The following SORCS1 variants were observed in gnomAD, a reference collection of about 807,000 sequenced individuals.
SORCS1 encodes the protein sortilin related VPS10 domain containing receptor 1, also known as VPS10 domain-containing receptor SorCS1.
Under a neutral mutation model 146.1 loss-of-function variants are expected in SORCS1, and 60 were observed. The observed-to-expected ratio is 0.41, with a 90% CI of 0.33 to 0.51. The LOEUF (loss-of-function observed/expected upper bound fraction) is 0.51. SORCS1 is among the 20% of genes least tolerant of loss of function. The pLI, the probability that SORCS1 is intolerant of heterozygous loss-of-function variation, is 0.21. For synonymous variants in SORCS1, 637 were observed against 584.0 expected, an observed-to-expected ratio of 1.09 and a Z score of -1.31; for missense variants, 1,352 against 1,487.6, an observed-to-expected ratio of 0.91 and a Z score of 1.50.
intron 1 of SORCS1, among the ~76,000 whole-genome samples, chr10:107,131,143 T>A (rs543995730): frequency 2.0e-5 from 3 of 152,336 alleles, no homozygotes; most frequent in African/African-American, 7.2e-5. Context: ...GTACCTGTCC[T>A]TAGTTCTGAG....
chr10:106,956,070 C>T (rs183284434), intron 2 of SORCS1, among the ~76,000 whole-genome samples: 20 of 151,814 alleles, frequency 1.3e-4, no homozygotes, highest in African/African-American at 4.1e-4. Flanking sequence ...GCAGAGGTTG[C>T]GCTGAGCCGA....
intron 2 of SORCS1, among the ~76,000 whole-genome samples, chr10:106,830,040 A>G (rs2137012280): frequency 6.6e-6 from 1 of 152,362 alleles, no homozygotes; most frequent in Non-Finnish European, 1.5e-5. Flanking sequence ...TTGGCCCAGT[A>G]GAAAAGCAGG....
the SORCS1 span, among the ~76,000 whole-genome samples, chr10:107,178,405 G>A: frequency 6.6e-6 from 1 of 151,594 alleles, no homozygotes; most frequent in Non-Finnish European, 1.5e-5. Context: ...TCTGTGCCTG[G>A]CTTATTTCAC....
At chr10:106,832,852 TAGAG>T (rs1564711492) in intron 2 of SORCS1, among the ~76,000 whole-genome samples, 1 of 152,136 alleles carries the variant, frequency 6.6e-6, no homozygotes, top group East Asian at 1.9e-4. Context: ...AACTAGTCTA[TAGAG>T]AGTGTGAAGA....
intron 1 of SORCS1, among the ~76,000 whole-genome samples, chr10:107,117,235 A>C (rs963618105): frequency 6.6e-6 from 1 of 152,226 alleles, no homozygotes; most frequent in African/African-American, 2.4e-5. Flanking sequence ...GCCAGTTAGA[A>C]CTGAAAAGAA....
chr10:106,807,511 G>A (rs1021792911), intron 3 of SORCS1, among the ~76,000 whole-genome samples: 4 of 152,114 alleles, frequency 2.6e-5, no homozygotes, highest in Non-Finnish European at 5.9e-5. Flanking sequence ...ATTTCTCTTG[G>A]TTGGTGATTT....
At chr10:106,858,187 T>C (rs1949865817) in intron 2 of SORCS1, among the ~76,000 whole-genome samples, 1 of 152,240 alleles carries the variant, frequency 6.6e-6, no homozygotes, top group Admixed American at 6.5e-5. Flanking sequence ...TTTTATTCTT[T>C]AAATATGTTA....
At chr10:106,995,122 C>T (rs1205262657) in intron 1 of SORCS1, among the ~76,000 whole-genome samples, 1 of 151,734 alleles carries the variant, frequency 6.6e-6, no homozygotes, top group Non-Finnish European at 1.5e-5. Context: ...ACCATCCTGG[C>T]TAACATGGTG....
intron 2 of SORCS1, among the ~76,000 whole-genome samples, chr10:106,947,407 AGATCT>A (rs149626071): frequency 0.023 from 3,468 of 152,342 alleles, 95 homozygotes; most frequent in South Asian, 0.11. Flanking sequence ...AATGAACTAA[AGATCT>A]ATCGGAAAGG....
intron 1 of SORCS1, among the ~76,000 whole-genome samples, chr10:107,090,807 G>C (rs982367955): frequency 6.6e-6 from 1 of 152,132 alleles, no homozygotes; most frequent in African/African-American, 2.4e-5. Context: ...TTCTGAGCTG[G>C]GATGTAGAAC....
At chr10:106,901,212 G>C (rs1564791029) in intron 2 of SORCS1, among the ~76,000 whole-genome samples, 1 of 152,200 alleles carries the variant, frequency 6.6e-6, no homozygotes, top group Non-Finnish European at 1.5e-5. Context: ...GATTACCCAG[G>C]ATAGGAGGGA....
At chr10:106,913,254 G>T (rs182114571) in intron 2 of SORCS1, among the ~76,000 whole-genome samples, 43 of 152,312 alleles carry the variant, frequency 2.8e-4, no homozygotes, top group Admixed American at 2.6e-3. Flanking sequence ...ATTTAAAGCA[G>T]TGGGCGCTTC....
chr10:106,751,706 G>GA (rs1362944008), intron 5 of SORCS1, among the ~76,000 whole-genome samples: 2 of 152,170 alleles, frequency 1.3e-5, no homozygotes, highest in African/African-American at 4.8e-5. Flanking sequence ...GGGAAATACA[G>GA]AGGTTACCTA....
chr10:106,895,188 G>T (rs775890202), intron 2 of SORCS1, among the ~76,000 whole-genome samples: 7 of 152,100 alleles, frequency 4.6e-5, no homozygotes, highest in Non-Finnish European at 8.8e-5. Context: ...TTGTAGCAGG[G>T]GTTTTGAAAC....
chr10:106,787,887 A>T (rs1250388064), intron 3 of SORCS1, among the ~76,000 whole-genome samples: 1 of 152,230 alleles, frequency 6.6e-6, no homozygotes, highest in Non-Finnish European at 1.5e-5. Context: ...CATATTCATG[A>T]TAAGTTGAAT....
intron 4 of SORCS1, among the ~76,000 whole-genome samples, chr10:106,767,856 GACAA>G (rs749783855): frequency 1.1e-4 from 17 of 152,222 alleles, no homozygotes; most frequent in African/African-American, 1.7e-4. Context: ...TAAAAATTTG[GACAA>G]ACAAATACCT....
chr10:107,029,158 A>G (rs903456874), intron 1 of SORCS1, among the ~76,000 whole-genome samples: 3 of 152,234 alleles, frequency 2.0e-5, no homozygotes, highest in Non-Finnish European at 4.4e-5. Context: ...ATGTCAATCA[A>G]TAGTTATACT....
intron 3 of SORCS1, 87 bp downstream of exon 3, chr10:106,829,487 A>C: frequency 2.3e-6 from 2 of 852,834 alleles, no homozygotes; most frequent in Non-Finnish European, 1.9e-6. Flanking sequence ...ATTAACTGTA[A>C]TGGATTTTTA....
intron 1 of SORCS1, among the ~76,000 whole-genome samples, chr10:106,975,208 T>A (rs1955942110): frequency 6.6e-6 from 1 of 152,224 alleles, no homozygotes; most frequent in Non-Finnish European, 1.5e-5. Context: ...TTTCCCAACC[T>A]TACCTTAAAT....
Sources: gnomAD v4.1 joint callset for allele counts (sites outside exome capture counted in the v4.1 genomes callset) on GRCh38, gnomAD v4.1.1 for gene constraint, MANE v1.5 for transcripts, NCBI Gene and HGNC (gene_info 2026-07-23, HGNC 2026-07-21) for gene names.